The following PIKFYVE variants were observed in gnomAD, a reference collection of about 807,000 sequenced individuals.
The protein encoded by PIKFYVE is 1-phosphatidylinositol 3-phosphate 5-kinase.
PIKFYVE carries 122 observed loss-of-function variants against 257.9 expected under a neutral mutation model. The observed-to-expected ratio is 0.47, with a 90% CI of 0.41 to 0.55. The LOEUF (loss-of-function observed/expected upper bound fraction) is 0.55, where lower values mean the gene tolerates loss of function less well. Ranked by LOEUF, PIKFYVE falls within the 20% of genes least tolerant of loss-of-function variation. The pLI is 0.00. For missense variants in PIKFYVE, 2,160 were observed against 2,536.6 expected (o/e 0.85, Z 3.19); for synonymous variants, 892 against 868.9 (o/e 1.03, Z -0.47).
At chr2:208,304,693 A>G (rs1034330481) in intron 11 of PIKFYVE, among the ~76,000 whole-genome samples, 153 bp from the exon 12 acceptor site, 5 of 152,214 alleles carry the variant, frequency 3.3e-5, no homozygotes, top group Non-Finnish European at 5.9e-5. Flanking sequence ...AAGTCTACAC[A>G]GAAGTACATG....
intron 8 of PIKFYVE, among the ~76,000 whole-genome samples, chr2:208,299,892 G>T (rs112522730): frequency 0.054 from 8,284 of 152,128 alleles, 488 homozygotes; most frequent in African/African-American, 0.14. Flanking sequence ...TGGCATGCAC[G>T]TGTAGTCCCA....
At chr2:208,339,397 T>A in intron 29 of PIKFYVE, 21 bp from the exon 30 acceptor site, 1 of 1,613,586 alleles carries the variant, frequency 6.2e-7, no homozygotes, top group East Asian at 2.2e-5. Flanking sequence ...ATGACTCATT[T>A]AAGATTGTGT....
At chr2:208,283,021 G>A (rs1208420804) in intron 5 of PIKFYVE, among the ~76,000 whole-genome samples, 1 of 152,164 alleles carries the variant, frequency 6.6e-6, no homozygotes, top group Non-Finnish European at 1.5e-5. Context: ...GCCCGTTTGT[G>A]TATGGCTTGT....
chr2:208,335,666 A>G (rs887870536), intron 25 of PIKFYVE, 127 bp from the exon 26 acceptor site: 15 of 873,936 alleles, frequency 1.7e-5, no homozygotes, highest in African/African-American at 1.4e-4. Context: ...GCAAAACTGT[A>G]TGTAATTCTT....
At chr2:208,336,521 T>C (rs1351558148) in intron 27 of PIKFYVE, among the ~76,000 whole-genome samples, 1 of 152,154 alleles carries the variant, frequency 6.6e-6, no homozygotes, top group Non-Finnish European at 1.5e-5. Flanking sequence ...CACTATTGGT[T>C]TTTGGCCAGC....
intron 9 of PIKFYVE, 109 bp downstream of exon 9, chr2:208,301,203 G>C: frequency 1.5e-6 from 2 of 1,368,348 alleles, no homozygotes. Context: ...GGTGCTCTTT[G>C]TTTTATGTAA....
At chr2:208,340,731 T>C (rs908790632) in intron 31 of PIKFYVE, among the ~76,000 whole-genome samples, 3 of 152,198 alleles carry the variant, frequency 2.0e-5, no homozygotes, top group African/African-American at 7.2e-5. Flanking sequence ...TACATATTTA[T>C]TCAATCAGTA....
chr2:208,277,347 G>A (rs940776261), intron 4 of PIKFYVE, among the ~76,000 whole-genome samples, 190 bp from the exon 5 acceptor site: 7 of 152,062 alleles, frequency 4.6e-5, no homozygotes, highest in African/African-American at 1.4e-4. Context: ...AAGTCTTGAT[G>A]GCTGGTAATA....
chr2:208,276,780 C>T lies in PIKFYVE; in HGVS notation c.391C>T (p.Leu131Phe), dbSNP rs1462442548. 1 of 1,613,490 alleles carries T rather than the reference C, an allele frequency of 6.2e-7. No individual in the cohort carries two copies. Among genetic ancestry groups the T allele is most frequent in the South Asian group, 1.1e-5 (1 of 91,074 alleles). ...DPRTAVQLRSLSTVLKRLKEI... is the reference protein window; with the variant it reads ...DPRTAVQLRSFSTVLKRLKEI... The stretch of plus-strand genomic sequence containing the variant: ...TCGTACAGCTGTTCAGCTTCGAAGC[C>T]TCAGCACAGTATTAAAACGCCTCAA... Residue 131 changes from leucine to phenylalanine, a missense_variant, in exon 4 of 42, where the codon CTC (leucine) becomes TTC (phenylalanine). By Grantham distance (22) the Leu-to-Phe change is conservative. This residue lies in a region of PIKFYVE where 172 missense variants were observed against 180.6 expected (regional missense o/e 0.95). Coordinates refer to ENST00000264380, the MANE Select transcript of PIKFYVE (RefSeq NM_015040.4).
intron 16 of PIKFYVE, among the ~76,000 whole-genome samples, chr2:208,318,783 C>G (rs1695855261): frequency 6.6e-6 from 1 of 151,980 alleles, no homozygotes; most frequent in Non-Finnish European, 1.5e-5. Flanking sequence ...GAAACCACAT[C>G]TGTACTAAAA....
chr2:208,319,225 A>G (rs1463819177), intron 16 of PIKFYVE, among the ~76,000 whole-genome samples: 1 of 152,174 alleles, frequency 6.6e-6, no homozygotes, highest in Non-Finnish European at 1.5e-5. Flanking sequence ...TGAGCTTAAT[A>G]TAGTTTTTTC....
chr2:208,324,802 GA>G (rs1373473912), intron 18 of PIKFYVE, 108 bp from the exon 19 acceptor site: 1 of 1,335,428 alleles, frequency 7.5e-7, no homozygotes, highest in African/African-American at 1.5e-5. Flanking sequence ...TATTAAAAAG[GA>G]AATTTGTGAA....
At chr2:208,320,102 T>A (rs1393972844) in intron 16 of PIKFYVE, 150 bp from the exon 17 acceptor site, 2 of 1,196,530 alleles carry the variant, frequency 1.7e-6, no homozygotes, top group Non-Finnish European at 2.2e-6. Context: ...TTTAATACCG[T>A]AAAAGAACTA....
chr2:208,337,264 C>A (rs761270563), intron 28 of PIKFYVE, among the ~76,000 whole-genome samples: 1 of 152,088 alleles, frequency 6.6e-6, no homozygotes, highest in Non-Finnish European at 1.5e-5. Context: ...ATTTTATACT[C>A]CGCAGTTTTG....
intron 5 of PIKFYVE, among the ~76,000 whole-genome samples, chr2:208,282,966 T>C (rs1459319737): frequency 6.6e-6 from 1 of 152,156 alleles, no homozygotes; most frequent in East Asian, 1.9e-4. Context: ...TATAAGAATC[T>C]AATGCCACCG....
At chr2:208,309,808 C>T (rs555732029) in intron 12 of PIKFYVE, among the ~76,000 whole-genome samples, 2 of 152,200 alleles carry the variant, frequency 1.3e-5, no homozygotes, top group Admixed American at 6.5e-5. Context: ...TTGGGTGATG[C>T]GTTATATAGA....
Position 208,356,314 on chromosome 2 carries a change from C to G in PIKFYVE, c.*1009C>G, listed in dbSNP as rs1700157393. 6.6e-6 allele frequency: 1 copy of G among 152,208 alleles called. No homozygotes were observed. Among genetic ancestry groups the G allele is most frequent in the South Asian group, 2.1e-4 (1 of 4,834 alleles). The allele number at this position is 152,208 out of a possible 1,614,324, so 9.4% of individuals were successfully genotyped here. Reference sequence around the variant, plus strand: ...AAAAAATTTCTACTGTGGACATCCCCTTTTCCAACTTTCTACATAATGGCT... The same window carrying G: ...AAAAAATTTCTACTGTGGACATCCCGTTTTCCAACTTTCTACATAATGGCT... On this transcript the variant is annotated 3_prime_UTR_variant, in exon 42 of 42. Transcript: ENST00000264380.
At chr2:208,290,108 C>T (rs1420601625) in intron 7 of PIKFYVE, among the ~76,000 whole-genome samples, 1 of 152,102 alleles carries the variant, frequency 6.6e-6, no homozygotes, top group Non-Finnish European at 1.5e-5. Flanking sequence ...TTCAGTGGAC[C>T]TACTTTGACA....
chr2:208,273,770 C>A, intron 3 of PIKFYVE, 37 bp downstream of exon 3: 2 of 1,610,502 alleles, frequency 1.2e-6, no homozygotes, highest in Non-Finnish European at 1.7e-6. Context: ...CTTCTATATG[C>A]TAGATTTTTC....
Sources: gnomAD v4.1 joint callset for allele counts (sites outside exome capture counted in the v4.1 genomes callset) on GRCh38, gnomAD v4.1.1 for gene constraint, gnomAD v4.1.1 regional missense constraint, MANE v1.5 for transcripts, NCBI Gene and HGNC (gene_info 2026-07-23, HGNC 2026-07-21) for gene names.